Variants in TRPM3 observed in about 807,000 individuals in gnomAD.
TRPM3 encodes transient receptor potential cation channel subfamily M member 3.
Under a neutral mutation model 181.2 loss-of-function variants are expected in TRPM3, and 77 were observed. The observed-to-expected ratio is 0.42, with a 90% CI of 0.35 to 0.51. The LOEUF is 0.51. TRPM3 is among the 20% of genes least tolerant of loss of function. The probability of loss-of-function intolerance (pLI) is 0.01; values close to 1 mark genes in which losing one functional copy is unlikely to be tolerated. For synonymous variants in TRPM3, 745 were observed against 796.4 expected (o/e 0.94, Z 1.09); for missense variants, 1,759 against 2,196.7 (o/e 0.80, Z 3.98).
At chr9:71,365,848 G>A (rs2092318246) in intron 1 of TRPM3, among the ~76,000 whole-genome samples, 1 of 152,082 alleles carries the variant, frequency 6.6e-6, no homozygotes, top group East Asian at 1.9e-4. Context: ...TGAAGTTCAT[G>A]CTCTCGTGGG....
intron 6 of TRPM3, among the ~76,000 whole-genome samples, chr9:70,800,806 G>A (rs1023661358): frequency 6.9e-6 from 1 of 144,996 alleles, no homozygotes; most frequent in African/African-American, 2.5e-5. Context: ...GCTATCAATA[G>A]TATTTTTTTT....
chr9:71,044,874 T>C (rs967409697), intron 1 of TRPM3, among the ~76,000 whole-genome samples: 1 of 151,900 alleles, frequency 6.6e-6, no homozygotes, highest in Non-Finnish European at 1.5e-5. Context: ...GGTTTCACCA[T>C]GTTAGCCAGG....
At chr9:71,135,720 A>G (rs138615459) in intron 1 of TRPM3, among the ~76,000 whole-genome samples, 379 of 152,274 alleles carry the variant, frequency 2.5e-3, no homozygotes, top group African/African-American at 8.7e-3. Flanking sequence ...TTTGCATGCT[A>G]CTCAAGTTTA....
chr9:70,836,412 T>C (rs981405246), intron 5 of TRPM3, among the ~76,000 whole-genome samples: 23 of 152,182 alleles, frequency 1.5e-4, no homozygotes, highest in African/African-American at 5.6e-4. Context: ...CTCTGCCAAC[T>C]CTGCTTCTCC....
intron 3 of TRPM3, among the ~76,000 whole-genome samples, chr9:70,862,545 G>T (rs1003931786): frequency 2.6e-5 from 4 of 151,918 alleles, no homozygotes; most frequent in African/African-American, 9.7e-5. Flanking sequence ...TCTCACCAAA[G>T]GGATAAAAAA....
chr9:70,750,821 C>G (rs571394348), intron 8 of TRPM3, among the ~76,000 whole-genome samples: 1 of 152,056 alleles, frequency 6.6e-6, no homozygotes, highest in Non-Finnish European at 1.5e-5. Context: ...ACATGTAGAA[C>G]TTGAAGTAAT....
intron 1 of TRPM3, among the ~76,000 whole-genome samples, chr9:71,134,317 C>T (rs962239495): frequency 6.6e-6 from 1 of 152,024 alleles, no homozygotes; most frequent in African/African-American, 2.4e-5. Context: ...GTAATCCCAG[C>T]ACTTTGGGAG....
intron 1 of TRPM3, among the ~76,000 whole-genome samples, chr9:70,999,972 T>C (rs1590456067): frequency 6.6e-6 from 1 of 152,184 alleles, no homozygotes; most frequent in South Asian, 2.1e-4. Flanking sequence ...AGGGAAGAAC[T>C]GTGCCAAGTC....
In TRPM3 at chr9:71,049,407, T is replaced by A. The variant is rs74714842; in HGVS notation, c.177+71771A>T. 4.4e-3 allele frequency among the ~76,000 whole-genome samples: 665 copies of A among 152,280 alleles called. 3 individuals carry two copies. Among genetic ancestry groups the A allele is most frequent in the African/African-American group, 0.015 (623 of 41,550 alleles). ...AAATCCTAGAACATATATACTGAAA[T>A]ATAGTATATAATATCAATACTCTCC... On this transcript the variant is annotated intron_variant, in intron 1 of 25. Coordinates refer to ENST00000677713, the MANE Select transcript of TRPM3 (RefSeq NM_001366145.2).
At chr9:70,905,968 TGCCTCA>T (rs2096459309) in intron 1 of TRPM3, among the ~76,000 whole-genome samples, 1 of 152,108 alleles carries the variant, frequency 6.6e-6, no homozygotes. Flanking sequence ...GCAATCCTCC[TGCCTCA>T]GCCTCTCAAG....
chr9:71,360,896 G>A (rs2092114427), intron 1 of TRPM3, among the ~76,000 whole-genome samples: 2 of 152,176 alleles, frequency 1.3e-5, no homozygotes, highest in South Asian at 2.1e-4. Flanking sequence ...TTGCCAAAAC[G>A]TTGAATTTGT....
chr9:70,952,562 T>C (rs762192344), intron 1 of TRPM3, among the ~76,000 whole-genome samples: 3 of 152,208 alleles, frequency 2.0e-5, no homozygotes, highest in Non-Finnish European at 2.9e-5. Flanking sequence ...TAATAAAACA[T>C]GGTCAGTTTT....
chr9:70,689,211 C>T (rs753930410), intron 8 of TRPM3, among the ~76,000 whole-genome samples: 46 of 152,048 alleles, frequency 3.0e-4, no homozygotes, highest in Non-Finnish European at 5.6e-4. Flanking sequence ...AAGTGGGCTG[C>T]CTCAGGTTAG....
At chr9:70,934,860 A>C (rs1288480952) in intron 1 of TRPM3, among the ~76,000 whole-genome samples, 1 of 151,110 alleles carries the variant, frequency 6.6e-6, no homozygotes, top group African/African-American at 2.4e-5. Flanking sequence ...CAATGGAATG[A>C]CCTCCTCCCC....
At chr9:71,407,010 G>A (rs758819242) in intron 1 of TRPM3, among the ~76,000 whole-genome samples, 3 of 152,116 alleles carry the variant, frequency 2.0e-5, no homozygotes, top group African/African-American at 7.2e-5. Context: ...AGTTGGATGG[G>A]GAATGTGGCT....
intron 1 of TRPM3, among the ~76,000 whole-genome samples, chr9:71,208,052 T>C (rs1467457704): frequency 6.6e-6 from 1 of 152,130 alleles, no homozygotes; most frequent in Admixed American, 6.6e-5. Context: ...CCGGAATTAT[T>C]TCAATTCTGT....
intron 1 of TRPM3, among the ~76,000 whole-genome samples, chr9:71,215,047 C>CAAAAAAAAAAAAAAA (rs72383590): frequency 6.2e-5 from 7 of 112,546 alleles, no homozygotes; most frequent in African/African-American, 1.5e-4. Context: ...AAAAAAAAAA[C>CAAAAAAAAAAAAAAA]AAAAAAAAAA....
At chr9:71,198,629 A>C (rs1351090875) in intron 1 of TRPM3, among the ~76,000 whole-genome samples, 2 of 150,084 alleles carry the variant, frequency 1.3e-5, no homozygotes, top group Non-Finnish European at 3.0e-5. Context: ...ATTCTCTTTG[A>C]AGCAATTGTG....
chr9:70,911,896 A>T (rs1410032440), intron 1 of TRPM3, among the ~76,000 whole-genome samples: 1 of 152,176 alleles, frequency 6.6e-6, no homozygotes, highest in African/African-American at 2.4e-5. Context: ...AATTAATGCA[A>T]ACTTTCCCCT....
Sources: gnomAD v4.1 joint callset for allele counts (sites outside exome capture counted in the v4.1 genomes callset) on GRCh38, gnomAD v4.1.1 for gene constraint, MANE v1.5 for transcripts, NCBI Gene and HGNC (gene_info 2026-07-23, HGNC 2026-07-21) for gene names.